The following ETV6 variants were observed in gnomAD, a reference collection of about 807,000 sequenced individuals.
ETV6 encodes the protein transcription factor ETV6.
A neutral mutation model predicts 51.1 loss-of-function variants in ETV6; 16 were observed. The ratio of observed to expected loss-of-function variants is 0.31; its 90% CI spans 0.21 to 0.48. The LOEUF is 0.48. ETV6 is among the 20% of genes least tolerant of loss of function. ETV6 has a pLI of 0.99. For synonymous variants in ETV6, 240 were observed against 224.1 expected, an observed-to-expected ratio of 1.07 and a Z score of -0.64; for missense variants, 458 against 594.8, an observed-to-expected ratio of 0.77 and a Z score of 2.39.
At position 11,846,113 on chromosome 12, in the gene ETV6, A is replaced by T. The variant is rs772606854; in HGVS notation, c.328+6809A>T. 7.2e-5 allele frequency among the ~76,000 whole-genome samples: 11 copies of T among 152,282 alleles called. 1 individual carries two copies. The highest frequency in any genetic ancestry group is 1.5e-4 in the Non-Finnish European group (10 of 68,024). ...CACTGTTGAATTTATTATGTAACTT[A>T]AGGGACCGAAGCTTAGGGCTTCATC... On this transcript the variant is annotated intron_variant, in intron 3 of 7. Coordinates refer to ENST00000396373, the MANE Select transcript of ETV6 (RefSeq NM_001987.5).
At chr12:11,863,614 A>G (rs1946747602) in intron 4 of ETV6, among the ~76,000 whole-genome samples, 2 of 152,196 alleles carry the variant, frequency 1.3e-5, no homozygotes, top group South Asian at 4.1e-4. Context: ...CACCAAGAAC[A>G]AACCCAGACA....
intron 2 of ETV6, among the ~76,000 whole-genome samples, chr12:11,823,484 T>G (rs1446973160): frequency 9.7e-5 from 14 of 144,044 alleles, no homozygotes; most frequent in South Asian, 2.2e-4. Context: ...TTTTTTTTTT[T>G]GAGTTGGAGT....
At chr12:11,889,782 T>C (rs116806040) in intron 7 of ETV6, among the ~76,000 whole-genome samples, 54 of 152,340 alleles carry the variant, frequency 3.5e-4, no homozygotes, top group African/African-American at 1.3e-3. Flanking sequence ...GATGCACCTT[T>C]GACTTGATGA....
At chr12:11,792,379 G>A (rs1056185856) in intron 2 of ETV6, among the ~76,000 whole-genome samples, 2 of 152,158 alleles carry the variant, frequency 1.3e-5, no homozygotes, top group Non-Finnish European at 2.9e-5. Flanking sequence ...ACAACTCTGA[G>A]ACGGATTACA....
rs1947281521 is a variant in ETV6, at chr12:11,891,171, G to A, written c.*125G>A. ...AAAAGGAAGCGACCCAGAAATGGCA[G>A]GGACACTTCTCTTGCAGACCAAGAG... On this transcript the variant is annotated 3_prime_UTR_variant, in exon 8 of 8. Transcript: ENST00000396373. 2.8e-6 allele frequency: 2 copies of A among 705,342 alleles called. No homozygotes were observed. Among genetic ancestry groups the A allele is most frequent in the African/African-American group, 1.8e-5 (1 of 56,170 alleles). The allele number at this position is 705,342 out of a possible 1,614,324, so 43.7% of individuals were successfully genotyped here.
chr12:11,794,451 C>T (rs1945647883), intron 2 of ETV6, among the ~76,000 whole-genome samples: 1 of 152,202 alleles, frequency 6.6e-6, no homozygotes, highest in South Asian at 2.1e-4. Flanking sequence ...TCTGCTGCCT[C>T]CGTACTCAGA....
At chr12:11,766,034 T>C (rs1945156432) in intron 2 of ETV6, among the ~76,000 whole-genome samples, 1 of 152,072 alleles carries the variant, frequency 6.6e-6, no homozygotes, top group Non-Finnish European at 1.5e-5. Flanking sequence ...CAGGAGGTGA[T>C]GAAGAGCAAG....
chr12:11,730,531 A>T (rs1180880151), intron 1 of ETV6, among the ~76,000 whole-genome samples: 1 of 152,250 alleles, frequency 6.6e-6, no homozygotes, highest in Non-Finnish European at 1.5e-5. Flanking sequence ...CGGGTTGTCC[A>T]GCGCAGCCCA....
chr12:11,813,611 C>G (rs78027035), intron 2 of ETV6, among the ~76,000 whole-genome samples: 8 of 141,990 alleles, frequency 5.6e-5, no homozygotes, highest in African/African-American at 2.0e-4. Context: ...CTTTCCTTCT[C>G]TTTTCCTCCC....
chr12:11,827,337 T>TGGAAGCACTC (rs1946173177), intron 2 of ETV6, among the ~76,000 whole-genome samples: 1 of 151,974 alleles, frequency 6.6e-6, no homozygotes, highest in African/African-American at 2.4e-5. Context: ...TGAAAGCACT[T>TGGAAGCACTC]GGAAGCACTC....
At chr12:11,684,762 C>T (rs978991617) in intron 1 of ETV6, among the ~76,000 whole-genome samples, 2 of 152,140 alleles carry the variant, frequency 1.3e-5, no homozygotes, top group African/African-American at 4.8e-5. Flanking sequence ...TTCATATTAT[C>T]TAATTAATAC....
intron 2 of ETV6, among the ~76,000 whole-genome samples, chr12:11,800,101 A>G (rs1945725558): frequency 6.6e-6 from 1 of 152,162 alleles, no homozygotes. Flanking sequence ...ATCTGATAAT[A>G]TATATGACCT....
chr12:11,877,668 C>A (rs1225821067), intron 5 of ETV6, among the ~76,000 whole-genome samples: 2 of 152,094 alleles, frequency 1.3e-5, no homozygotes, highest in African/African-American at 2.4e-5. Context: ...AGACAGATGG[C>A]CCCGAACAGT....
At chr12:11,882,504 T>C (rs1341592567) in intron 5 of ETV6, among the ~76,000 whole-genome samples, 1 of 152,190 alleles carries the variant, frequency 6.6e-6, no homozygotes, top group East Asian at 1.9e-4. Context: ...AGCTTCCTGA[T>C]CTATAAAATA....
At chr12:11,708,225 G>C (rs1421791975) in intron 1 of ETV6, among the ~76,000 whole-genome samples, 1 of 150,492 alleles carries the variant, frequency 6.6e-6, no homozygotes, top group Non-Finnish European at 1.5e-5. Context: ...ACAGATGGGA[G>C]CATCTCAAGT....
chr12:11,712,959 C>T (rs565288658), intron 1 of ETV6, among the ~76,000 whole-genome samples: 29 of 152,316 alleles, frequency 1.9e-4, no homozygotes, highest in African/African-American at 6.5e-4. Flanking sequence ...TACTTTCCTT[C>T]TCTCTCCTCA....
At chr12:11,848,250 T>C (rs951233194) in intron 3 of ETV6, among the ~76,000 whole-genome samples, 1 of 152,184 alleles carries the variant, frequency 6.6e-6, no homozygotes, top group Non-Finnish European at 1.5e-5. Flanking sequence ...CACAAAAATA[T>C]TGAACTAAGC....
chr12:11,731,726 A>G (rs1170208729), intron 1 of ETV6, among the ~76,000 whole-genome samples: 2 of 152,140 alleles, frequency 1.3e-5, no homozygotes, highest in East Asian at 3.9e-4. Flanking sequence ...CTTCCTCCCC[A>G]AGGGCTCAAA....
chr12:11,770,175 GA>G (rs1382478445), intron 2 of ETV6, among the ~76,000 whole-genome samples: 2 of 152,126 alleles, frequency 1.3e-5, no homozygotes, highest in African/African-American at 2.4e-5. Context: ...CAGCTCTGGG[GA>G]AAAGGAACAA....
Sources: allele counts gnomAD v4.1 joint callset (sites outside exome capture counted in the v4.1 genomes callset), GRCh38; gene constraint gnomAD v4.1.1; transcripts MANE v1.5; gene names NCBI Gene and HGNC (gene_info 2026-07-23, HGNC 2026-07-21).